Variants in NT5DC3 observed in about 807,000 individuals in gnomAD.
The protein encoded by NT5DC3 is 5'-nucleotidase domain-containing protein 3.
In NT5DC3, 42 loss-of-function variants were observed where a neutral mutation model predicts 67.8. The observed-to-expected ratio is 0.62, with a 90% CI of 0.48 to 0.80. The LOEUF (loss-of-function observed/expected upper bound fraction) is 0.80. Ranked by LOEUF, NT5DC3 falls within the 30% of genes least tolerant of loss-of-function variation. The probability of loss-of-function intolerance (pLI) is 0.00; values close to 1 mark genes in which losing one functional copy is unlikely to be tolerated. For synonymous variants in NT5DC3, 237 were observed against 255.6 expected (o/e 0.93, Z 0.69); for missense variants, 570 against 696.4 (o/e 0.82, Z 2.04).
At chr12:103,793,098 A>AGGATTT in intron 9 of NT5DC3, 66 bp downstream of exon 9, 1 of 1,133,804 alleles carries the variant, frequency 8.8e-7, no homozygotes, top group Non-Finnish European at 1.3e-6. Context: ...TTACCAAGAC[A>AGGATTT]CACCATCTAT....
the NT5DC3 span, among the ~76,000 whole-genome samples, chr12:103,751,868 G>A: frequency 3.9e-5 from 6 of 152,166 alleles, no homozygotes; most frequent in Non-Finnish European, 8.8e-5. Context: ...TGTGCATCAC[G>A]TTGGACCTCC....
At chr12:103,758,139 G>T in the NT5DC3 span, 1 of 1,613,382 alleles carries the variant, frequency 6.2e-7, no homozygotes, top group Admixed American at 1.7e-5. Context: ...ACCAGGGCTG[G>T]CCCCTCTGAT....
intron 5 of NT5DC3, among the ~76,000 whole-genome samples, 153 bp from the exon 6 acceptor site, chr12:103,797,184 A>T (rs1291649867): frequency 6.6e-6 from 1 of 152,148 alleles, no homozygotes; most frequent in East Asian, 1.9e-4. Context: ...AAAAAAGGAC[A>T]ATGGGCTGAG....
At chr12:103,831,857 C>A (rs1259414606) in intron 1 of NT5DC3, among the ~76,000 whole-genome samples, 1 of 148,466 alleles carries the variant, frequency 6.7e-6, no homozygotes, top group Non-Finnish European at 1.5e-5. Flanking sequence ...CTCACTGCAA[C>A]CTTCACTTCC....
At chr12:103,788,377 T>C (rs999643239) in intron 10 of NT5DC3, among the ~76,000 whole-genome samples, 7 of 152,204 alleles carry the variant, frequency 4.6e-5, no homozygotes, top group Non-Finnish European at 1.0e-4. Context: ...ACTCAGGAGG[T>C]TGAGGCTATA....
At chr12:103,764,368 G>T in the NT5DC3 span, among the ~76,000 whole-genome samples, 1 of 152,170 alleles carries the variant, frequency 6.6e-6, no homozygotes, top group Non-Finnish European at 1.5e-5. Context: ...AGGCCTTATA[G>T]TATATATGGG....
chr12:103,839,725 C>T (rs572359575), intron 1 of NT5DC3, among the ~76,000 whole-genome samples: 7 of 152,302 alleles, frequency 4.6e-5, no homozygotes, highest in African/African-American at 1.7e-4. Context: ...CACACAACAG[C>T]TTCAAAAGCC....
At chr12:103,747,184 C>T in the NT5DC3 span, among the ~76,000 whole-genome samples, 2 of 152,020 alleles carry the variant, frequency 1.3e-5, no homozygotes, top group Non-Finnish European at 2.9e-5. Flanking sequence ...TCAGAAAATA[C>T]ACAACACCAT....
rs1481250709 is a variant in NT5DC3 at position 103,780,760 on chromosome 12, ATACT to A, written c.1330-400_1330-397del. ...CATGTGTACAAACTATAATGTACAA[ATACT>A]TAGTACATGCTACCTATTATACATA... is the stretch of plus-strand genomic sequence containing the variant. On this transcript the variant is annotated intron_variant, in intron 12 of 13. Transcript: ENST00000392876. 2.0e-5 allele frequency among the ~76,000 whole-genome samples: 3 copies of A among 152,216 alleles called. No individual in the cohort carries two copies. In the East Asian group the frequency reaches 5.8e-4, roughly 29 times the overall value.
the NT5DC3 span, chr12:103,748,884 G>C: frequency 1.4e-6 from 2 of 1,467,306 alleles, no homozygotes; most frequent in Admixed American, 2.0e-5. Flanking sequence ...CACTAGTGCT[G>C]TGGTGCCCCA....
chr12:103,831,878 C>A (rs1220035246), intron 1 of NT5DC3, among the ~76,000 whole-genome samples: 1 of 150,930 alleles, frequency 6.6e-6, no homozygotes, highest in African/African-American at 2.4e-5. Context: ...CGGGTTCAAG[C>A]CAATTCTCAC....
At chr12:103,752,777 A>T in the NT5DC3 span, among the ~76,000 whole-genome samples, 1 of 152,218 alleles carries the variant, frequency 6.6e-6, no homozygotes, top group South Asian at 2.1e-4. Flanking sequence ...TTTTAAAAAG[A>T]TTTATGAAAA....
chr12:103,776,069 G>A lies in NT5DC3; in HGVS notation c.*1760C>T, dbSNP rs773839263. The A allele has an allele frequency of 6.6e-6, 1 of 152,084 alleles. No homozygotes were observed. The highest frequency in any genetic ancestry group is 6.6e-5 in the Admixed American group (1 of 15,260). 9.4% of individuals were successfully genotyped at this position (152,084 alleles called of 1,614,324 possible). On this transcript the variant is annotated 3_prime_UTR_variant, in exon 14 of 14. Transcript: ENST00000392876. ...CTAGATTAGGCTAATCTGAACAGAA[G>A]TATTGATATAGCATATGCAATTAAA...
In NT5DC3 at chr12:103,832,157, A is replaced by G. The variant is rs753340970; in HGVS notation, c.208+8792T>C. Among the ~76,000 whole-genome samples the G allele has an allele frequency of 2.6e-5, 4 of 151,314 alleles. No individual in the cohort carries two copies. In the East Asian group the frequency reaches 5.8e-4, roughly 22 times the overall value. On this transcript the variant is annotated intron_variant, in intron 1 of 13. Coordinates refer to ENST00000392876, the MANE Select transcript of NT5DC3 (RefSeq NM_001031701.3). ...TTATGACTTCAAGAGAAAGTCCTCT[A>G]TATTTTTTTTCAGCGTGTGGGTATT...
At chr12:103,811,085 A>C (rs1480975974) in intron 2 of NT5DC3, among the ~76,000 whole-genome samples, 1 of 152,202 alleles carries the variant, frequency 6.6e-6, no homozygotes, top group Admixed American at 6.5e-5. Context: ...GCAGATGTCA[A>C]ATGTTTACTG....
chr12:103,796,574 G>A (rs1224084852), intron 6 of NT5DC3, among the ~76,000 whole-genome samples: 3 of 152,160 alleles, frequency 2.0e-5, no homozygotes, highest in Non-Finnish European at 4.4e-5. Flanking sequence ...TGGGTGAGTA[G>A]GTACAGGCTG....
chr12:103,750,706 A>G, the NT5DC3 span: 1 of 1,613,380 alleles, frequency 6.2e-7, no homozygotes, highest in African/African-American at 1.3e-5. Context: ...AAATGTGTCG[A>G]CCTCCACTTC....
At chr12:103,759,414 C>T in the NT5DC3 span, 1 of 1,250,426 alleles carries the variant, frequency 8.0e-7, no homozygotes, top group Non-Finnish European at 1.1e-6. Context: ...GTTAACTGCC[C>T]ACTACAGCAT....
intron 4 of NT5DC3, among the ~76,000 whole-genome samples, chr12:103,799,529 G>T (rs539549238): frequency 5.9e-5 from 9 of 152,042 alleles, no homozygotes; most frequent in Admixed American, 3.3e-4. Context: ...GGCCTCCCCC[G>T]CTATGTGGAA....
Sources: allele counts gnomAD v4.1 joint callset (sites outside exome capture counted in the v4.1 genomes callset), GRCh38; gene constraint gnomAD v4.1.1; transcripts MANE v1.5; gene names NCBI Gene and HGNC (gene_info 2026-07-23, HGNC 2026-07-21).